RNF14: variants seen among roughly 807,000 people sequenced by gnomAD.
RNF14 encodes E3 ubiquitin-protein ligase RNF14.
A neutral mutation model predicts 52.6 loss-of-function variants in RNF14; 26 were observed. The observed-to-expected ratio is 0.49, with a 90% CI of 0.36 to 0.69. The LOEUF (loss-of-function observed/expected upper bound fraction) is 0.69, where lower values mean the gene tolerates loss of function less well. Among genes scored for constraint, RNF14 ranks in the 30% least tolerant of loss-of-function variants. The pLI, the probability that RNF14 is intolerant of heterozygous loss-of-function variation, is 0.00. For synonymous variants in RNF14, 194 were observed against 202.0 expected (o/e 0.96, Z 0.34); for missense variants, 404 against 560.4 (o/e 0.72, Z 2.82).
At chr5:141,955,463 C>A (rs762060589), upstream of RNF14, 1 of 1,613,996 alleles carries the variant, frequency 6.2e-7, no homozygotes, top group Non-Finnish European at 8.5e-7. The surrounding 1 kb of genome is among the most constrained non-coding windows in gnomAD (Gnocchi z 5.5). Context: ...TTGTCCACAT[C>A]TTTGTGGGAC....
chr5:141,985,719 A>T (rs955170267), intron 8 of RNF14, among the ~76,000 whole-genome samples: 1 of 151,908 alleles, frequency 6.6e-6, no homozygotes, highest in Non-Finnish European at 1.5e-5. Context: ...CGCCCGGCTA[A>T]TTTTTTTGTA....
At chr5:141,954,639 G>A (rs2126926174), upstream of RNF14, among the ~76,000 whole-genome samples, 1 of 152,316 alleles carries the variant, frequency 6.6e-6, no homozygotes, top group Non-Finnish European at 1.5e-5. Flanking sequence ...TACCTTTGCT[G>A]TGTGTCTACT....
chr5:141,958,130 A>G, upstream of RNF14: 1 of 460,420 alleles, frequency 2.2e-6, no homozygotes, highest in Non-Finnish European at 3.9e-6. Context: ...CAAATGATGG[A>G]CAAGAGCTGG....
At chr5:141,957,738 C>T (rs1171722997), upstream of RNF14, 3 of 1,613,686 alleles carry the variant, frequency 1.9e-6, no homozygotes, top group Non-Finnish European at 2.5e-6. This position sits in a 1 kb window ranked among gnomAD's most constrained non-coding sequence, Gnocchi z 4.3. Flanking sequence ...ATGGCACTTC[C>T]TCTGACACTT....
At chr5:141,955,853 T>A, upstream of RNF14, 1 of 1,614,092 alleles carries the variant, frequency 6.2e-7, no homozygotes, top group Non-Finnish European at 8.5e-7. This position sits in a 1 kb window ranked among gnomAD's most constrained non-coding sequence, Gnocchi z 5.5. Flanking sequence ...TCACTCCCAA[T>A]GAGGCTGCTG....
chr5:141,961,032 A>G (rs1753271382), intron 1 of RNF14, among the ~76,000 whole-genome samples: 1 of 152,242 alleles, frequency 6.6e-6, no homozygotes, highest in Non-Finnish European at 1.5e-5. Context: ...AGAATACAAC[A>G]GGAGAAGCTA....
intron 1 of RNF14, among the ~76,000 whole-genome samples, chr5:141,960,583 T>C (rs950871485): frequency 3.9e-5 from 6 of 152,164 alleles, no homozygotes; most frequent in African/African-American, 1.4e-4. Context: ...GCTAAGAATT[T>C]AGACCTTGTC....
chr5:141,956,824 A>G, upstream of RNF14: 1 of 1,614,280 alleles, frequency 6.2e-7, no homozygotes. Flanking sequence ...ATTGACATCC[A>G]GAACCTTGAT....
chr5:141,957,106 A>T, upstream of RNF14: 1 of 1,614,176 alleles, frequency 6.2e-7, no homozygotes, highest in Non-Finnish European at 8.5e-7. The surrounding 1 kb of genome is among the most constrained non-coding windows in gnomAD (Gnocchi z 4.3). Flanking sequence ...TTCCAGTGCC[A>T]GTGAACTCTC....
chr5:141,987,086 A>G (rs434934), intron 8 of RNF14, among the ~76,000 whole-genome samples: 133,068 of 152,156 alleles, frequency 0.87, 58,378 homozygotes, highest in East Asian at 0.98. Context: ...GAGGGGCAGC[A>G]TCAGGCAGTT....
upstream of RNF14, chr5:141,955,448 C>A: frequency 1.9e-6 from 3 of 1,614,076 alleles, no homozygotes; most frequent in Non-Finnish European, 2.5e-6. This position sits in a 1 kb window ranked among gnomAD's most constrained non-coding sequence, Gnocchi z 5.5. Context: ...TCCATCATCG[C>A]CTCCTTGTCC....
upstream of RNF14, chr5:141,955,866 A>G: frequency 4.3e-6 from 7 of 1,614,118 alleles, no homozygotes; most frequent in African/African-American, 1.3e-5. The surrounding 1 kb of genome is among the most constrained non-coding windows in gnomAD (Gnocchi z 5.5). Context: ...GGCTGCTGGC[A>G]TTGGTGACAT....
At chr5:141,953,479 A>G (rs550299764), upstream of RNF14, 1 of 152,364 alleles carries the variant, frequency 6.6e-6, no homozygotes, top group South Asian at 2.1e-4. Context: ...CACAGGGGCT[A>G]CACAGAAATT....
At position 141,988,748 on chromosome 5, in the gene RNF14, T is replaced by C. The variant is rs951671568; in HGVS notation, c.*958T>C. On this transcript the variant is annotated 3_prime_UTR_variant, in exon 9 of 9. Transcript: ENST00000394520. ...ATCTGCATTTACCACTGTATATGCA[T>C]ATAGTGACAGTATAACCTGTCTATA... 6.6e-6 allele frequency: 1 copy of C among 152,350 alleles called. No individual in the cohort carries two copies. Among genetic ancestry groups the C allele is most frequent in the African/African-American group, 2.4e-5 (1 of 41,460 alleles). The allele number at this position is 152,350 out of a possible 1,614,324, so 9.4% of individuals were successfully genotyped here.
chr5:141,966,147 G>T (rs1045206443), upstream of RNF14, among the ~76,000 whole-genome samples: 14 of 152,020 alleles, frequency 9.2e-5, no homozygotes, highest in African/African-American at 3.4e-4. Context: ...CAGATGTGGT[G>T]GTGTGCACCT....
At chr5:141,955,583 ACTCGGC>A, upstream of RNF14, 1 of 1,613,946 alleles carries the variant, frequency 6.2e-7, no homozygotes, top group Non-Finnish European at 8.5e-7. This position sits in a 1 kb window ranked among gnomAD's most constrained non-coding sequence, Gnocchi z 5.5. Flanking sequence ...CGGTAGGTGG[ACTCGGC>A]CTCCCGACAG....
At chr5:141,971,831 A>T (rs1484543517) in intron 2 of RNF14, among the ~76,000 whole-genome samples, 1 of 151,098 alleles carries the variant, frequency 6.6e-6, no homozygotes, top group Admixed American at 6.6e-5. Context: ...TATTTTTAGT[A>T]GAGATGGGGT....
upstream of RNF14, among the ~76,000 whole-genome samples, chr5:141,968,112 GTTTGACTT>G (rs1328586524): frequency 7.5e-6 from 1 of 133,434 alleles, no homozygotes; most frequent in Non-Finnish European, 1.5e-5. Context: ...GGCTTTTTGT[GTTTGACTT>G]TTTTTTTTTT....
upstream of RNF14, chr5:141,956,352 C>G: frequency 6.2e-7 from 1 of 1,614,212 alleles, no homozygotes; most frequent in Non-Finnish European, 8.5e-7. Flanking sequence ...CTGGGGAGTC[C>G]TGGATGCGGT....
Sources: gnomAD v4.1 joint callset for allele counts (sites outside exome capture counted in the v4.1 genomes callset) on GRCh38, gnomAD v4.1.1 for gene constraint, Gnocchi (gnomAD v3.1) non-coding constraint, MANE v1.5 for transcripts, NCBI Gene and HGNC (gene_info 2026-07-23, HGNC 2026-07-21) for gene names.